The following TBC1D8 variants were observed in gnomAD, a reference collection of about 807,000 sequenced individuals.
The protein encoded by TBC1D8 is TBC1 domain family member 8.
In TBC1D8, 65 loss-of-function variants were observed where a neutral mutation model predicts 118.8. The ratio of observed to expected loss-of-function variants is 0.55; its 90% CI spans 0.45 to 0.67. The LOEUF (loss-of-function observed/expected upper bound fraction) is 0.67, where lower values mean the gene tolerates loss of function less well. TBC1D8 is among the 30% of genes least tolerant of loss of function. TBC1D8 has a pLI of 0.00. For missense variants in TBC1D8, 1,376 were observed against 1,471.2 expected (o/e 0.94, Z 1.06); for synonymous variants, 566 against 595.8 (o/e 0.95, Z 0.73).
At chr2:101,038,694 G>A (rs776341254) in intron 6 of TBC1D8, 39 bp from the exon 7 acceptor site, 1 of 1,606,438 alleles carries the variant, frequency 6.2e-7, no homozygotes, top group East Asian at 2.2e-5. Flanking sequence ...AAGGGCGGGA[G>A]GAAGGTAGGC....
chr2:101,089,779 T>C (rs1006998789), intron 2 of TBC1D8, among the ~76,000 whole-genome samples: 6 of 151,666 alleles, frequency 4.0e-5, no homozygotes, highest in African/African-American at 7.3e-5. Context: ...CAGGAGCACA[T>C]TGGTAAGTCA....
intron 5 of TBC1D8, among the ~76,000 whole-genome samples, chr2:101,044,751 C>CTTTTTG (rs1205256250): frequency 3.9e-5 from 6 of 151,956 alleles, no homozygotes; most frequent in East Asian, 1.9e-4. Flanking sequence ...CACCAATCAC[C>CTTTTTG]TTTTTGTTTT....
At chr2:101,033,512 ACT>A (rs750091764) in intron 10 of TBC1D8, 30 bp downstream of exon 10, 22 of 1,611,768 alleles carry the variant, frequency 1.4e-5, no homozygotes, top group Admixed American at 1.7e-5. Context: ...CCAACTAAAG[ACT>A]CTCTGCGCCC....
intron 9 of TBC1D8, among the ~76,000 whole-genome samples, chr2:101,034,379 A>G (rs1680869445): frequency 6.6e-6 from 1 of 152,218 alleles, no homozygotes; most frequent in Non-Finnish European, 1.5e-5. Context: ...GACACCAAGC[A>G]CTGATGCGTG....
At chr2:101,122,383 C>CAAAAAAAAAAAAAAAAAAAAAAA (rs70943064) in intron 1 of TBC1D8, among the ~76,000 whole-genome samples, 11 of 71,942 alleles carry the variant, frequency 1.5e-4, no homozygotes, top group East Asian at 1.0e-3. Flanking sequence ...GACTCCATTT[C>CAAAAAAAAAAAAAAAAAAAAAAA]AAAAAAAAAA....
At chr2:101,147,866 T>C (rs576486566) in intron 1 of TBC1D8, among the ~76,000 whole-genome samples, 1 of 152,306 alleles carries the variant, frequency 6.6e-6, no homozygotes, top group Admixed American at 6.5e-5. Flanking sequence ...CTGGCTGAAC[T>C]TGTTACAAGA....
Position 101,029,565 on chromosome 2 carries a change from CAG to C in TBC1D8, c.2146_2147del (p.Leu716GlyfsTer4), listed in dbSNP as rs1268594398. 1 of 1,614,002 alleles carries C rather than the reference CAG, an allele frequency of 6.2e-7. No individual in the cohort carries two copies. The highest frequency in any genetic ancestry group is 1.7e-5 in the Admixed American group (1 of 60,014). On this transcript the variant is annotated frameshift_variant, in exon 12 of 20. Transcript: ENST00000409318. LOFTEE classifies it high-confidence loss of function. ...CCTCAGCATTGGCCTCAAGCACAGC[CAG>C]TCCCAGCTGGAAGATGGCTTTGATG... ...DGIKAIFQLG[L>X]AVLEANAEDL... is the part of the protein sequence containing the mutation.
rs1679196703 is a variant in TBC1D8, at chr2:101,011,370, A to C, written c.2917+81T>G. The C allele has an allele frequency of 2.2e-6, 3 of 1,353,594 alleles. No homozygotes were observed. The Admixed American group carries it at 5.2e-5, about 23-fold the overall frequency. 83.8% of individuals were successfully genotyped at this position (1,353,594 alleles called of 1,614,324 possible). ...AGGGAAAAGACAAGGCTGCTACAAG[A>C]AGAGGGATGAGGGCAACCCCGGTGC... On this transcript the variant is annotated intron_variant, in intron 18 of 19. Coordinates refer to ENST00000409318, the MANE Select transcript of TBC1D8 (RefSeq NM_001330348.2).
intron 2 of TBC1D8, among the ~76,000 whole-genome samples, chr2:101,074,988 A>G (rs1674715215): frequency 6.6e-6 from 1 of 152,222 alleles, no homozygotes; most frequent in Admixed American, 6.5e-5. Context: ...AAAAGGAGCC[A>G]TGGCTATTTG....
chr2:101,118,462 C>T (rs551729181), intron 1 of TBC1D8, among the ~76,000 whole-genome samples: 37 of 152,014 alleles, frequency 2.4e-4, no homozygotes, highest in Admixed American at 7.9e-4. Flanking sequence ...TTTGGGAGGC[C>T]AAGGCGGGTG....
chr2:101,056,260 G>A (rs1682427914), intron 3 of TBC1D8, among the ~76,000 whole-genome samples: 1 of 150,778 alleles, frequency 6.6e-6, no homozygotes, highest in African/African-American at 2.4e-5. Flanking sequence ...CTGGAGTGCA[G>A]TGGCGTGATC....
At chr2:101,127,337 GAAA>G (rs529661320) in intron 1 of TBC1D8, among the ~76,000 whole-genome samples, 2 of 122,668 alleles carry the variant, frequency 1.6e-5, no homozygotes, top group Admixed American at 8.5e-5. Context: ...CTTCATCTCA[GAAA>G]AAAAAAAAAA....
At chr2:101,059,090 G>A (rs900808620) in intron 3 of TBC1D8, among the ~76,000 whole-genome samples, 2 of 151,814 alleles carry the variant, frequency 1.3e-5, no homozygotes, top group African/African-American at 4.8e-5. Flanking sequence ...GTATTTTTTA[G>A]TACAGATGGG....
At chr2:101,009,232 GTC>G (rs996967728) in intron 19 of TBC1D8, among the ~76,000 whole-genome samples, 4 of 152,026 alleles carry the variant, frequency 2.6e-5, no homozygotes, top group African/African-American at 9.7e-5. Flanking sequence ...GTGAAACCCT[GTC>G]TCTATTAAAA....
intron 2 of TBC1D8, among the ~76,000 whole-genome samples, chr2:101,067,454 TA>T (rs1683077901): frequency 6.6e-6 from 1 of 152,200 alleles, no homozygotes; most frequent in African/African-American, 2.4e-5. Context: ...ACCACCACGA[TA>T]AAGCAAGTAT....
At chr2:101,011,146 A>G (rs1679179026) in intron 18 of TBC1D8, 120 bp from the exon 19 acceptor site, 1 of 969,608 alleles carries the variant, frequency 1.0e-6, no homozygotes, top group Admixed American at 2.4e-5. Context: ...AATTCCATAC[A>G]AAACTGGAAA....
chr2:101,087,284 T>C (rs1675700433), intron 2 of TBC1D8, among the ~76,000 whole-genome samples: 1 of 151,488 alleles, frequency 6.6e-6, no homozygotes, highest in Non-Finnish European at 1.5e-5. Flanking sequence ...ATTCAGAAAA[T>C]AGGACACTGA....
chr2:101,129,678 G>C (rs182199651), intron 1 of TBC1D8, among the ~76,000 whole-genome samples: 180 of 151,838 alleles, frequency 1.2e-3, no homozygotes, highest in African/African-American at 4.0e-3. Flanking sequence ...GGCCGAGGCA[G>C]GCAGATCACG....
rs772747250 is a variant in TBC1D8, at chr2:101,022,399, C to T, written c.2643G>A (p.Gln881=). The change falls in exon 16 of 20, where the codon CAG becomes CAA. Residue 881 remains glutamine, a synonymous_variant. Transcript: ENST00000409318. ...CCCCGCAGGTCCAGGGCGAGACTAGCTGAAACAGGTGTGCAAACTGCCGGG... is the reference window on the plus strand; with the variant it reads ...CCCCGCAGGTCCAGGGCGAGACTAGTTGAAACAGGTGTGCAAACTGCCGGG... ...IDARQFAHLF[Q]LVSPWTCGAH... The T allele has an allele frequency of 2.5e-6, 4 of 1,613,196 alleles. No homozygotes were observed. The highest frequency in any genetic ancestry group is 3.4e-6 in the Non-Finnish European group (4 of 1,179,630).
Sources: gnomAD v4.1 joint callset for allele counts (sites outside exome capture counted in the v4.1 genomes callset) on GRCh38, gnomAD v4.1.1 for gene constraint, MANE v1.5 for transcripts, NCBI Gene and HGNC (gene_info 2026-07-23, HGNC 2026-07-21) for gene names.